FCGR2B: variants seen among roughly 807,000 people sequenced by gnomAD.
FCGR2B encodes the protein low affinity immunoglobulin gamma Fc region receptor II-b.
FCGR2B carries 18 observed loss-of-function variants against 24.8 expected under a neutral mutation model. The ratio of observed to expected loss-of-function variants is 0.73; its 90% CI spans 0.50 to 1.08. The LOEUF (loss-of-function observed/expected upper bound fraction) is 1.08. Among genes scored for constraint, FCGR2B ranks in the 50% least tolerant of loss-of-function variants. FCGR2B has a pLI of 0.00. For synonymous variants in FCGR2B, 79 were observed against 109.8 expected, an observed-to-expected ratio of 0.72 and a Z score of 1.75; for missense variants, 215 against 297.6, an observed-to-expected ratio of 0.72 and a Z score of 2.04.
upstream of FCGR2B, among the ~76,000 whole-genome samples, chr1:161,661,244 A>AAGAAAGAAAGAAAGAAAGAC (rs1681056885): frequency 5.2e-5 from 3 of 57,632 alleles, no homozygotes; most frequent in African/African-American, 1.7e-4. Flanking sequence ...GAAAGAAAGA[A>AAGAAAGAAAGAAAGAAAGAC]AGAAAGAAAG....
intron 6 of FCGR2B, 98 bp from the exon 7 acceptor site, chr1:161,677,227 TTGG>T (rs1357670582): frequency 1.1e-5 from 12 of 1,137,850 alleles, no homozygotes; most frequent in Admixed American, 1.8e-5. Context: ...AGTGCTTGCT[TTGG>T]CTCTAGTTTG....
Position 161,673,234 on chromosome 1 carries a change from G to C in FCGR2B, c.646+5G>C, listed in dbSNP as rs201615696. On this transcript the variant is annotated splice_donor_5th_base_variant and intron_variant, in intron 4 of 7. Transcript: ENST00000358671. ...CTGTGACCATCACTGTCCAAGGTAT[G>C]CGGAGTCTGCCAAGATGTAAGGAGG... 1.4e-5 allele frequency: 22 copies of C among 1,592,624 alleles called. No homozygotes were observed. In the South Asian group the frequency reaches 2.4e-4, roughly 17 times the overall value.
chr1:161,677,329 C>A lies in FCGR2B; in HGVS notation c.819C>A (p.Ala273=), dbSNP rs2102682549. Residue 273 remains alanine (A), a splice_region_variant and synonymous_variant, in exon 7 of 8, where the codon GCC becomes GCA. Coordinates refer to ENST00000358671, the MANE Select transcript of FCGR2B (RefSeq NM_001394477.1). Reference sequence around the variant, plus strand: ...TGATATTTCTTCTTTTTCCCACAGCCAATCCCACTAATCCTGATGAGGCTG... The same window carrying A: ...TGATATTTCTTCTTTTTCCCACAGCAAATCCCACTAATCCTGATGAGGCTG... ...EMGETLPEKP[A]NPTNPDEADK... is the part of the protein sequence containing the mutation. 1 of 1,613,958 alleles carries A rather than the reference C, an allele frequency of 6.2e-7. No homozygotes were observed.
chr1:161,671,782 A>G (rs1674780), intron 3 of FCGR2B, 133 bp downstream of exon 3: 63 of 1,503,882 alleles, frequency 4.2e-5, no homozygotes, highest in Middle Eastern at 2.0e-4. Context: ...CTCAGCACAT[A>G]TCAGTGGTTG....
chr1:161,673,690 C>A, intron 4 of FCGR2B: 2 of 494,074 alleles, frequency 4.0e-6, no homozygotes, highest in South Asian at 2.2e-5. Context: ...CTTCCCACTG[C>A]CCCTGAGGGC....
At chr1:161,677,045 T>C in intron 6 of FCGR2B, 1 of 461,662 alleles carries the variant, frequency 2.2e-6, no homozygotes, top group Non-Finnish European at 3.8e-6. Context: ...CAAGCCTCCC[T>C]GGTTTGCTTC....
chr1:161,649,045 A>T, the FCGR2B span, among the ~76,000 whole-genome samples: 2 of 151,020 alleles, frequency 1.3e-5, no homozygotes, highest in Non-Finnish European at 2.9e-5. Flanking sequence ...CTCTTCTAAA[A>T]CAAGTTAATA....
intron 6 of FCGR2B, chr1:161,676,036 T>C: frequency 4.3e-6 from 1 of 231,814 alleles, no homozygotes; most frequent in Non-Finnish European, 8.5e-6. Context: ...TCAGGTCTTC[T>C]AGATTTGACA....
chr1:161,675,737 G>C (rs1282929551), intron 6 of FCGR2B: 1 of 236,782 alleles, frequency 4.2e-6, no homozygotes, highest in African/African-American at 2.2e-5. Flanking sequence ...GAAACCCCTT[G>C]ATTTGCTGAG....
intron 3 of FCGR2B, chr1:161,671,910 A>G: frequency 1.6e-6 from 1 of 617,754 alleles, no homozygotes; most frequent in Non-Finnish European, 2.8e-6. Flanking sequence ...TTTTAATGGC[A>G]GAATTGAAAA....
intron 2 of FCGR2B, 115 bp from the exon 3 acceptor site, chr1:161,671,277 G>A: frequency 1.3e-6 from 2 of 1,540,444 alleles, no homozygotes; most frequent in South Asian, 1.2e-5. Context: ...TCTGGGCCTG[G>A]CTCGGCTTTT....
At chr1:161,647,442 A>G in the FCGR2B span, among the ~76,000 whole-genome samples, 7 of 150,240 alleles carry the variant, frequency 4.7e-5, no homozygotes, top group African/African-American at 1.7e-4. Context: ...CTGGGACTAC[A>G]GGCACCCACC....
chr1:161,653,974 T>A, the FCGR2B span, among the ~76,000 whole-genome samples: 1 of 130,380 alleles, frequency 7.7e-6, no homozygotes, highest in African/African-American at 2.5e-5. Flanking sequence ...CCCCTGTAAT[T>A]TCATCCCCAG....
intron 4 of FCGR2B, 44 bp downstream of exon 4, chr1:161,673,273 T>C (rs373659474): frequency 6.0e-5 from 95 of 1,587,698 alleles, no homozygotes; most frequent in Non-Finnish European, 7.8e-5. Flanking sequence ...GAAGAGGGGA[T>C]GGACAAGGGC....
rs1682270264 is a variant in FCGR2B at position 161,677,755 on chromosome 1, C to A, written c.*202C>A. ...TATGGTCCCAAATAACCGACTGCACCTTCTGTGCTTCAGCTCTTCTTGACA... is the reference window on the plus strand; with the variant it reads ...TATGGTCCCAAATAACCGACTGCACATTCTGTGCTTCAGCTCTTCTTGACA... On this transcript the variant is annotated 3_prime_UTR_variant, in exon 8 of 8. Transcript: ENST00000358671. The A allele has an allele frequency of 1.8e-6, 1 of 551,552 alleles. No homozygotes were observed. The highest frequency in any genetic ancestry group is 1.9e-5 in the African/African-American group (1 of 52,466). The allele number at this position is 551,552 out of a possible 1,614,324, so 34.2% of individuals were successfully genotyped here.
chr1:161,654,924 G>A, the FCGR2B span, among the ~76,000 whole-genome samples: 42 of 138,908 alleles, frequency 3.0e-4, 1 homozygote, highest in African/African-American at 1.0e-3. Context: ...TGTTTCTAAT[G>A]AAAACATTTT....
At position 161,672,958 on chromosome 1, in the gene FCGR2B, T is replaced by A. The variant is rs763877154; in HGVS notation, c.392-17T>A. On this transcript the variant is annotated splice_polypyrimidine_tract_variant and intron_variant, in intron 3 of 7. Coordinates refer to ENST00000358671, the MANE Select transcript of FCGR2B (RefSeq NM_001394477.1). ...CCAAGACCTCCCGGGTCCTCTGCGG[T>A]TTTTTGTGTCTTTCAGAGTGGCTGG... 1.4e-5 allele frequency: 23 copies of A among 1,613,546 alleles called. No homozygotes were observed. Among genetic ancestry groups the A allele is most frequent in the Non-Finnish European group, 1.6e-5 (19 of 1,179,790 alleles).
chr1:161,676,134 GTAGT>G (rs1364826881), intron 6 of FCGR2B: 1 of 229,578 alleles, frequency 4.4e-6, no homozygotes, highest in African/African-American at 2.2e-5. Context: ...CTTCCAGACT[GTAGT>G]TAAAGTCAGA....
chr1:161,676,937 T>A (rs1682196691), intron 6 of FCGR2B: 1 of 276,432 alleles, frequency 3.6e-6, no homozygotes, highest in African/African-American at 2.3e-5. Flanking sequence ...CCCTCAGCCT[T>A]CTCTCCCTGA....
Sources: allele counts gnomAD v4.1 joint callset (sites outside exome capture counted in the v4.1 genomes callset), GRCh38; gene constraint gnomAD v4.1.1; transcripts MANE v1.5; gene names NCBI Gene and HGNC (gene_info 2026-07-23, HGNC 2026-07-21).